Variants in WWOX observed in about 807,000 individuals in gnomAD.
WWOX encodes WW domain-containing oxidoreductase.
Under a neutral mutation model 46.2 loss-of-function variants are expected in WWOX, and 69 were observed. That is an observed-to-expected ratio of 1.49 (90% CI 1.23 to 1.82). The LOEUF (loss-of-function observed/expected upper bound fraction) is 1.82, where lower values mean the gene tolerates loss of function less well. Among genes scored for constraint, WWOX ranks in the 40% most tolerant of loss-of-function variants. The probability of loss-of-function intolerance (pLI) is 0.00; values close to 1 mark genes in which losing one functional copy is unlikely to be tolerated. For missense variants in WWOX, 919 were observed against 542.6 expected (o/e 1.69, Z -6.89); for synonymous variants, 359 against 202.6 (o/e 1.77, Z -6.56).
At chr16:78,744,037 C>T (rs1191155509) in intron 8 of WWOX, among the ~76,000 whole-genome samples, 2 of 152,184 alleles carry the variant, frequency 1.3e-5, no homozygotes, top group East Asian at 1.9e-4. Context: ...ATTCAAAACG[C>T]CAAGAACCTG....
At chr16:78,838,254 A>G (rs1396143019) in intron 8 of WWOX, among the ~76,000 whole-genome samples, 1 of 152,156 alleles carries the variant, frequency 6.6e-6, no homozygotes, top group African/African-American at 2.4e-5. Context: ...CCCAGGAAGC[A>G]AAGCGAGCGT....
intron 8 of WWOX, among the ~76,000 whole-genome samples, chr16:79,095,362 T>A (rs1431956801): frequency 6.6e-6 from 1 of 152,106 alleles, no homozygotes; most frequent in African/African-American, 2.4e-5. Flanking sequence ...CTCATAATGG[T>A]CCCTTGGCAG....
chr16:78,433,946 T>C (rs920339486), intron 8 of WWOX, among the ~76,000 whole-genome samples: 4 of 151,730 alleles, frequency 2.6e-5, no homozygotes, highest in Non-Finnish European at 5.9e-5. Flanking sequence ...CCCACCACTA[T>C]GCCCGGCTAA....
chr16:78,609,030 TGA>T (rs2045833474), intron 8 of WWOX, among the ~76,000 whole-genome samples: 1 of 152,224 alleles, frequency 6.6e-6, no homozygotes. Context: ...TTTTAAAGGC[TGA>T]GTTTTATTAA....
At chr16:78,515,235 A>G (rs547320893) in intron 8 of WWOX, among the ~76,000 whole-genome samples, 51 of 152,318 alleles carry the variant, frequency 3.3e-4, no homozygotes, top group African/African-American at 1.1e-3. Flanking sequence ...GAAACAGAAA[A>G]TAAAACAAAC....
rs147714732 is a variant in WWOX at position 78,291,327 on chromosome 16, T to C, written c.517-95533T>C. Among the ~76,000 whole-genome samples the C allele has an allele frequency of 1.7e-4, 26 of 152,344 alleles. No individual in the cohort carries two copies. The East Asian group carries it at 4.6e-3, about 27-fold the overall frequency. On this transcript the variant is annotated intron_variant, in intron 5 of 8. Transcript: ENST00000566780. ...GTTATTTTGACTGCATTTCACAGTG[T>C]TGGCGGCCTTTCAGATAAACAGCAT...
chr16:78,912,438 A>C (rs770633395), intron 8 of WWOX, among the ~76,000 whole-genome samples: 1 of 151,938 alleles, frequency 6.6e-6, no homozygotes, highest in African/African-American at 2.4e-5. Context: ...ATGGCAGCTC[A>C]AGGGGTTTTT....
At chr16:78,142,978 G>C (rs890881118) in intron 4 of WWOX, among the ~76,000 whole-genome samples, 2 of 152,070 alleles carry the variant, frequency 1.3e-5, no homozygotes, top group African/African-American at 4.8e-5. Flanking sequence ...ATTTAAGTTG[G>C]CTTTCTCCAG....
At chr16:78,918,443 G>A (rs2045302703) in intron 8 of WWOX, among the ~76,000 whole-genome samples, 1 of 151,752 alleles carries the variant, frequency 6.6e-6, no homozygotes, top group South Asian at 2.1e-4. Flanking sequence ...TTCTGGCAGG[G>A]CTGGACTGTC....
At chr16:78,871,778 T>A (rs370118839) in intron 8 of WWOX, among the ~76,000 whole-genome samples, 1 of 152,154 alleles carries the variant, frequency 6.6e-6, no homozygotes, top group Admixed American at 6.5e-5. Flanking sequence ...TTTTTGTATC[T>A]TTTTTAGTAG....
intron 8 of WWOX, among the ~76,000 whole-genome samples, chr16:79,112,938 C>T (rs77883900): frequency 1.3e-5 from 2 of 152,288 alleles, no homozygotes; most frequent in East Asian, 1.9e-4. Context: ...ACCACTTTTG[C>T]TCTCTGCTGG....
intron 8 of WWOX, among the ~76,000 whole-genome samples, chr16:78,682,911 C>T (rs989460167): frequency 2.6e-5 from 4 of 152,070 alleles, no homozygotes; most frequent in African/African-American, 7.2e-5. Context: ...AACATACTTT[C>T]GTGACTAAAC....
At chr16:78,691,950 C>G (rs942547721) in intron 8 of WWOX, among the ~76,000 whole-genome samples, 1 of 152,184 alleles carries the variant, frequency 6.6e-6, no homozygotes, top group African/African-American at 2.4e-5. Context: ...GAATAAGTCT[C>G]ATGAGATCTG....
intron 8 of WWOX, among the ~76,000 whole-genome samples, chr16:78,618,386 G>A (rs946993944): frequency 1.3e-5 from 2 of 152,138 alleles, no homozygotes; most frequent in East Asian, 3.9e-4. Context: ...CAGCAGGGTT[G>A]GTTTCTCTCT....
At chr16:78,628,080 C>T (rs2046349796) in intron 8 of WWOX, among the ~76,000 whole-genome samples, 1 of 152,152 alleles carries the variant, frequency 6.6e-6, no homozygotes, top group Non-Finnish European at 1.5e-5. Flanking sequence ...TAAGGATTTT[C>T]AAGGAGCAGT....
intron 5 of WWOX, among the ~76,000 whole-genome samples, chr16:78,369,383 A>G (rs1283663996): frequency 1.3e-5 from 2 of 152,224 alleles, no homozygotes; most frequent in Non-Finnish European, 2.9e-5. Context: ...CTTTCCATTT[A>G]GCTTTCTTGA....
chr16:78,369,049 CTT>C lies in WWOX; in HGVS notation c.517-17807_517-17806del, dbSNP rs2081604033. On this transcript the variant is annotated intron_variant, in intron 5 of 8. Transcript: ENST00000566780. ...TCTCTCAACTCTTCCTTCCTCTATCCTTTTTCTTTCCCTTTTTTTTTTAACTA... is the reference window on the plus strand; with the variant it reads ...TCTCTCAACTCTTCCTTCCTCTATCCTTTCTTTCCCTTTTTTTTTTAACTA... Among the ~76,000 whole-genome samples, 4 of 151,130 alleles carry C rather than the reference CTT, an allele frequency of 2.6e-5. No homozygotes were observed. The South Asian group carries it at 8.4e-4, about 32-fold the overall frequency.
chr16:78,576,355 A>G (rs2151581327), intron 8 of WWOX, among the ~76,000 whole-genome samples: 1 of 152,228 alleles, frequency 6.6e-6, no homozygotes, highest in East Asian at 1.9e-4. Flanking sequence ...ATTGAAGTTC[A>G]CCTCCCAAAA....
intron 5 of WWOX, among the ~76,000 whole-genome samples, chr16:78,290,844 A>T (rs1872618936): frequency 2.6e-5 from 4 of 152,178 alleles, no homozygotes; most frequent in African/African-American, 9.6e-5. Context: ...TTCTTTTTTT[A>T]AAAATTCTTT....
Sources: gnomAD v4.1 joint callset for allele counts (sites outside exome capture counted in the v4.1 genomes callset) on GRCh38, gnomAD v4.1.1 for gene constraint, MANE v1.5 for transcripts, NCBI Gene and HGNC (gene_info 2026-07-23, HGNC 2026-07-21) for gene names.